RASGRF2: variants seen among roughly 807,000 people sequenced by gnomAD.
RASGRF2 encodes the protein Ras protein specific guanine nucleotide releasing factor 2, also known as ras-specific guanine nucleotide-releasing factor 2.
In RASGRF2, 76 loss-of-function variants were observed where a neutral mutation model predicts 151.0. The ratio of observed to expected loss-of-function variants is 0.50; its 90% confidence interval spans 0.42 to 0.61. RASGRF2 has a LOEUF of 0.61. Ranked by LOEUF, RASGRF2 falls within the 20% of genes least tolerant of loss-of-function variation. The pLI is 0.00. For missense variants in RASGRF2, 1,148 were observed against 1,564.6 expected, an observed-to-expected ratio of 0.73 and a Z score of 4.49; for synonymous variants, 504 against 566.5, an observed-to-expected ratio of 0.89 and a Z score of 1.57.
intron 1 of RASGRF2, among the ~76,000 whole-genome samples, chr5:81,018,133 G>GAAAC (rs1749702780): frequency 6.6e-6 from 1 of 151,432 alleles, no homozygotes; most frequent in Non-Finnish European, 1.5e-5. Context: ...AAGAAAGAAA[G>GAAAC]AAAAAACAGA....
At chr5:81,147,500 G>T (rs920311327) in intron 17 of RASGRF2, among the ~76,000 whole-genome samples, 3 of 152,182 alleles carry the variant, frequency 2.0e-5, no homozygotes, top group African/African-American at 7.2e-5. Context: ...TACTTCACTG[G>T]TTTTGAAAAT....
chr5:81,017,274 C>T (rs938832128), intron 1 of RASGRF2, among the ~76,000 whole-genome samples: 1 of 152,334 alleles, frequency 6.6e-6, no homozygotes, highest in East Asian at 1.9e-4. Flanking sequence ...ATTTGATCCT[C>T]ACCTAGAGGT....
chr5:81,220,417 A>ATTATTATCTTACATTAGT (rs1755833367), intron 26 of RASGRF2, among the ~76,000 whole-genome samples: 1 of 152,228 alleles, frequency 6.6e-6, no homozygotes, highest in African/African-American at 2.4e-5. Context: ...CCTCACAGCC[A>ATTATTATCTTACATTAGT]ATGTCCCTAT....
intron 18 of RASGRF2, among the ~76,000 whole-genome samples, chr5:81,188,003 T>G (rs1755069079): frequency 6.6e-6 from 1 of 152,182 alleles, no homozygotes; most frequent in Non-Finnish European, 1.5e-5. Flanking sequence ...GAATTTTCGG[T>G]GTGGGCAGGA....
At chr5:81,202,845 G>A (rs555112848) in intron 19 of RASGRF2, among the ~76,000 whole-genome samples, 35 of 152,350 alleles carry the variant, frequency 2.3e-4, no homozygotes, top group Non-Finnish European at 4.1e-4. Context: ...GCCAAAGATC[G>A]CTGGCAAACC....
intron 1 of RASGRF2, among the ~76,000 whole-genome samples, chr5:81,038,193 T>C (rs1750564630): frequency 6.6e-6 from 1 of 151,106 alleles, no homozygotes; most frequent in South Asian, 2.1e-4. Flanking sequence ...CTTGTACCAA[T>C]ATGTGATTGT....
At chr5:81,167,339 C>T (rs1754536020) in intron 17 of RASGRF2, among the ~76,000 whole-genome samples, 1 of 152,182 alleles carries the variant, frequency 6.6e-6, no homozygotes, top group African/African-American at 2.4e-5. Flanking sequence ...ATTGTTTCTG[C>T]CCCATAGCAG....
intron 2 of RASGRF2, among the ~76,000 whole-genome samples, chr5:81,054,687 A>G (rs2112421679): frequency 8.5e-6 from 1 of 117,360 alleles, no homozygotes; most frequent in Admixed American, 9.6e-5. Flanking sequence ...CTTGATGGGG[A>G]TGGCATTGAA....
At chr5:81,071,309 A>C (rs1751766907) in intron 4 of RASGRF2, among the ~76,000 whole-genome samples, 1 of 152,190 alleles carries the variant, frequency 6.6e-6, no homozygotes, top group Non-Finnish European at 1.5e-5. Flanking sequence ...TTATGCTAAT[A>C]ATCTTTCCCC....
intron 18 of RASGRF2, among the ~76,000 whole-genome samples, chr5:81,195,155 G>GGT (rs1755235557): frequency 1.3e-5 from 2 of 152,354 alleles, no homozygotes; most frequent in South Asian, 4.1e-4. Context: ...AACATGGGCA[G>GGT]GCGACATCCC....
intron 1 of RASGRF2, among the ~76,000 whole-genome samples, chr5:80,991,647 G>C (rs2112263500): frequency 1.3e-5 from 2 of 152,214 alleles, no homozygotes; most frequent in South Asian, 4.1e-4. Context: ...TAATATCAAT[G>C]AGATGTATAT....
At chr5:81,065,352 G>A (rs1414854302) in intron 2 of RASGRF2, among the ~76,000 whole-genome samples, 10 of 152,020 alleles carry the variant, frequency 6.6e-5, no homozygotes, top group Admixed American at 5.9e-4. Flanking sequence ...TTATTTCCAG[G>A]CTCTCTTAAA....
Position 81,215,861 on chromosome 5 carries a change from T to C in RASGRF2, c.3355-15T>C. On this transcript the variant is annotated splice_polypyrimidine_tract_variant and intron_variant, in intron 23 of 26. Transcript: ENST00000265080. ...TAGTATTTTCATCACACTAAGTTTT[T>C]TCTTTTCTTTTTAGACAAAAGCTCT... 6.6e-7 allele frequency: 1 copy of C among 1,511,548 alleles called. No individual in the cohort carries two copies. Among genetic ancestry groups the C allele is most frequent in the East Asian group, 2.5e-5 (1 of 40,182 alleles). The allele number at this position is 1,511,548 out of a possible 1,614,324, so 93.6% of individuals were successfully genotyped here.
chr5:81,219,199 C>T (rs1334587273), intron 25 of RASGRF2, among the ~76,000 whole-genome samples: 2 of 152,004 alleles, frequency 1.3e-5, no homozygotes, highest in African/African-American at 4.8e-5. Context: ...ATGCCTCAGC[C>T]TCCCAAGTAG....
At chr5:81,085,047 G>C (rs2112485681) in intron 7 of RASGRF2, among the ~76,000 whole-genome samples, 1 of 152,270 alleles carries the variant, frequency 6.6e-6, no homozygotes, top group Non-Finnish European at 1.5e-5. Flanking sequence ...GATGTTAGAG[G>C]ACTGGACACA....
intron 5 of RASGRF2, among the ~76,000 whole-genome samples, chr5:81,078,581 A>G (rs908828059): frequency 2.6e-5 from 4 of 152,344 alleles, no homozygotes; most frequent in African/African-American, 4.8e-5. Flanking sequence ...GAAGTTTTAT[A>G]TCATTACTGT....
chr5:81,104,289 A>G (rs1446706605), intron 12 of RASGRF2, among the ~76,000 whole-genome samples: 1 of 152,098 alleles, frequency 6.6e-6, no homozygotes, highest in Non-Finnish European at 1.5e-5. Context: ...AATAAAAAAT[A>G]AAAACATTAA....
At chr5:81,168,178 G>T (rs1458185550) in intron 17 of RASGRF2, among the ~76,000 whole-genome samples, 3 of 151,528 alleles carry the variant, frequency 2.0e-5, no homozygotes, top group Non-Finnish European at 4.4e-5. Flanking sequence ...CAGCCCCTCC[G>T]CTTTGCCCCA....
intron 1 of RASGRF2, among the ~76,000 whole-genome samples, chr5:80,989,769 C>T (rs1428772052): frequency 6.6e-6 from 1 of 152,126 alleles, no homozygotes; most frequent in Non-Finnish European, 1.5e-5. Context: ...GAAACATATA[C>T]TATGATGGTC....
Sources: gnomAD v4.1 joint callset for allele counts (sites outside exome capture counted in the v4.1 genomes callset) on GRCh38, gnomAD v4.1.1 for gene constraint, MANE v1.5 for transcripts, NCBI Gene and HGNC (gene_info 2026-07-23, HGNC 2026-07-21) for gene names.